The following CDH19 variants were observed in gnomAD, a reference collection of about 807,000 sequenced individuals.
The protein encoded by CDH19 is cadherin-19.
Under a neutral mutation model 64.2 loss-of-function variants are expected in CDH19, and 67 were observed. The ratio of observed to expected loss-of-function variants is 1.04; its 90% CI spans 0.86 to 1.28. The LOEUF (loss-of-function observed/expected upper bound fraction) is 1.28, where lower values mean the gene tolerates loss of function less well. Among genes scored for constraint, CDH19 ranks in the 50% most tolerant of loss-of-function variants. The pLI is 0.00. For missense variants in CDH19, 1,030 were observed against 929.0 expected, an observed-to-expected ratio of 1.11 and a Z score of -1.41; for synonymous variants, 346 against 319.3, an observed-to-expected ratio of 1.08 and a Z score of -0.89.
intron 5 of CDH19, among the ~76,000 whole-genome samples, chr18:66,545,784 A>T (rs756153349): frequency 3.0e-4 from 45 of 152,240 alleles, no homozygotes; most frequent in Admixed American, 1.0e-3. Context: ...CCTGCATTAC[A>T]TCAGCCATCC....
At chr18:66,553,201 T>A (rs1987403682) in intron 4 of CDH19, among the ~76,000 whole-genome samples, 1 of 134,638 alleles carries the variant, frequency 7.4e-6, no homozygotes, top group Non-Finnish European at 1.5e-5. Context: ...CATTATTATA[T>A]CTTGTTTTTG....
At chr18:66,535,828 T>A (rs9962371) in intron 7 of CDH19, among the ~76,000 whole-genome samples, 2,913 of 147,300 alleles carry the variant, frequency 0.02, 110 homozygotes, top group African/African-American at 0.068. Context: ...ATATGTTTTA[T>A]TATATATTAC....
intron 9 of CDH19, among the ~76,000 whole-genome samples, chr18:66,520,535 A>G (rs1345818193): frequency 6.6e-6 from 1 of 151,956 alleles, no homozygotes; most frequent in Non-Finnish European, 1.5e-5. Context: ...ACTGAAAAGA[A>G]CAAAGAAAAT....
chr18:66,559,635 A>G (rs1436688789), intron 3 of CDH19, among the ~76,000 whole-genome samples: 1 of 151,296 alleles, frequency 6.6e-6, no homozygotes. Flanking sequence ...GCAAGTCAAC[A>G]GGGACACAAA....
intron 1 of CDH19, among the ~76,000 whole-genome samples, chr18:66,593,073 G>A (rs564287215): frequency 1.3e-5 from 2 of 151,378 alleles, no homozygotes; most frequent in East Asian, 3.9e-4. Flanking sequence ...TTTTTTTTTA[G>A]ACTTTTTGAT....
chr18:66,533,908 G>A (rs1404984331), intron 8 of CDH19, among the ~76,000 whole-genome samples: 2 of 151,912 alleles, frequency 1.3e-5, no homozygotes, highest in African/African-American at 2.4e-5. Flanking sequence ...AAATGGTCAA[G>A]CCTAATTATT....
intron 7 of CDH19, among the ~76,000 whole-genome samples, chr18:66,539,015 T>A (rs879802532): frequency 6.6e-6 from 1 of 152,112 alleles, no homozygotes; most frequent in Non-Finnish European, 1.5e-5. Flanking sequence ...ACTCAACATG[T>A]CTCTTTAGGA....
intron 9 of CDH19, among the ~76,000 whole-genome samples, chr18:66,522,425 T>G (rs1040284184): frequency 6.6e-6 from 1 of 152,054 alleles, no homozygotes; most frequent in Non-Finnish European, 1.5e-5. Flanking sequence ...TAATTTCGTA[T>G]TTTTAGTAGA....
intron 8 of CDH19, among the ~76,000 whole-genome samples, chr18:66,530,618 T>C (rs1986405825): frequency 6.7e-6 from 1 of 150,336 alleles, no homozygotes; most frequent in Non-Finnish European, 1.5e-5. Flanking sequence ...TGAGAGAAAA[T>C]TGTGGTTAAA....
intron 7 of CDH19, among the ~76,000 whole-genome samples, chr18:66,543,374 C>T (rs1447806869): frequency 6.6e-6 from 1 of 151,960 alleles, no homozygotes; most frequent in Non-Finnish European, 1.5e-5. Flanking sequence ...CTAATTGGGG[C>T]TTTTTAAAAA....
intron 11 of CDH19, among the ~76,000 whole-genome samples, chr18:66,507,137 A>G (rs2144331899): frequency 6.6e-6 from 1 of 152,072 alleles, no homozygotes; most frequent in East Asian, 1.9e-4. Context: ...TAGGTAGCTC[A>G]GTATTTTAGT....
rs1984971641 is a variant in CDH19, at chr18:66,502,136, G to A, written c.*2676C>T. ...AGCTGTGTTCTTGCAACACCCATGT[G>A]ATGCAAAACATAAAATAATTATTGA... is the stretch of plus-strand genomic sequence containing the variant. On this transcript the variant is annotated 3_prime_UTR_variant, in exon 12 of 12. Coordinates refer to ENST00000262150, the MANE Select transcript of CDH19 (RefSeq NM_021153.4). The A allele has an allele frequency of 6.6e-6, 1 of 152,030 alleles. No homozygotes were observed. The highest frequency in any genetic ancestry group is 6.6e-5 in the Admixed American group (1 of 15,228). The allele number at this position is 152,030 out of a possible 1,614,324, so 9.4% of individuals were successfully genotyped here. A position where few individuals can be genotyped will look rare whatever the true frequency, so the allele number is the denominator to read the frequency against.
Position 66,504,882 on chromosome 18 carries a change from A to C in CDH19, c.2249T>G (p.Leu750Arg), listed in dbSNP as rs1568167496. The C allele has an allele frequency of 1.9e-6, 3 of 1,613,318 alleles. No individual in the cohort carries two copies. Among genetic ancestry groups the C allele is most frequent in the Non-Finnish European group, 2.5e-6 (3 of 1,179,544 alleles). ...VSDQDESYDY[L>R]NELGPRFKRL... ...TTTAAAGCGAGGTCCCAACTCATTA[A>C]GGTAATCATAGCTTTCATCCTGATC... is the stretch of plus-strand genomic sequence containing the variant. The change falls in exon 12 of 12, where the codon CTT becomes CGT. Residue 750 changes from leucine to arginine, a missense_variant. Leu to Arg is a moderately radical substitution (Grantham distance 102). Transcript: ENST00000262150.
intron 3 of CDH19, among the ~76,000 whole-genome samples, chr18:66,564,767 C>G (rs1463088258): frequency 6.6e-6 from 1 of 151,600 alleles, no homozygotes; most frequent in Non-Finnish European, 1.5e-5. Context: ...TCACTTTTAG[C>G]AGGATTTTGT....
rs760078067 is a variant in CDH19, at chr18:66,511,696, A to AGG, written c.1459-13_1459-12dup. ...GATAGTCTGAATTACCTAAAAAAAA[A>AGG]GGGGGATAGATTTTTGTTGTTGTTT... is the stretch of plus-strand genomic sequence containing the variant. On this transcript the variant is annotated splice_polypyrimidine_tract_variant and intron_variant, in intron 9 of 11. Coordinates refer to ENST00000262150, the MANE Select transcript of CDH19 (RefSeq NM_021153.4). 28 of 1,256,264 alleles carry AGG rather than the reference A, an allele frequency of 2.2e-5. No homozygotes were observed. Among genetic ancestry groups the AGG allele is most frequent in the African/African-American group, 4.5e-5 (3 of 67,074 alleles). 77.8% of individuals were successfully genotyped at this position (1,256,264 alleles called of 1,614,324 possible). A position where few individuals can be genotyped will look rare whatever the true frequency, so the allele number is the denominator to read the frequency against.
chr18:66,569,724 G>A (rs986855071), intron 2 of CDH19, among the ~76,000 whole-genome samples: 2 of 151,622 alleles, frequency 1.3e-5, no homozygotes, highest in African/African-American at 4.8e-5. Context: ...GTATGTAAGA[G>A]AAGAATGTCA....
At chr18:66,526,835 T>C (rs7235845) in intron 9 of CDH19, among the ~76,000 whole-genome samples, 2,612 of 152,120 alleles carry the variant, frequency 0.017, 67 homozygotes, top group African/African-American at 0.058. Flanking sequence ...CATCATTCTT[T>C]TTTTTTAAAA....
At chr18:66,528,761 C>G (rs1296670628) in intron 9 of CDH19, among the ~76,000 whole-genome samples, 2 of 151,980 alleles carry the variant, frequency 1.3e-5, no homozygotes, top group Non-Finnish European at 2.9e-5. Flanking sequence ...GCTAATTGAT[C>G]AAATATAACT....
chr18:66,506,860 T>C (rs903551606), intron 11 of CDH19, among the ~76,000 whole-genome samples: 5 of 151,930 alleles, frequency 3.3e-5, no homozygotes, highest in Non-Finnish European at 7.4e-5. Flanking sequence ...GCATTTAAAA[T>C]ATCTAAATTA....
Sources: allele counts gnomAD v4.1 joint callset (sites outside exome capture counted in the v4.1 genomes callset), GRCh38; gene constraint gnomAD v4.1.1; transcripts MANE v1.5; gene names NCBI Gene and HGNC (gene_info 2026-07-23, HGNC 2026-07-21).